Variants in ATXN7L3 observed in about 807,000 individuals in gnomAD.
The protein encoded by ATXN7L3 is ataxin-7-like protein 3.
ATXN7L3 carries 6 observed loss-of-function variants against 50.0 expected under a neutral mutation model. The observed-to-expected ratio is 0.12, with a 90% CI of 0.07 to 0.24. The LOEUF is 0.24. ATXN7L3 is among the 10% of genes least tolerant of loss of function. The pLI is 1.00. For synonymous variants in ATXN7L3, 198 were observed against 165.8 expected (o/e 1.19, Z -1.49); for missense variants, 322 against 451.3 (o/e 0.71, Z 2.60).
rs1443756640 is a variant in ATXN7L3 at position 44,194,355 on chromosome 17, C to T, written c.952G>A (p.Val318Ile). 1 of 1,614,230 alleles carries T rather than the reference C, an allele frequency of 6.2e-7. No individual in the cohort carries two copies. The highest frequency in any genetic ancestry group is 8.5e-7 in the Non-Finnish European group (1 of 1,180,040). The change falls in exon 13 of 13, where the codon GTA (valine) becomes ATA (isoleucine). Residue 318 changes from valine (V) to isoleucine (I), a missense_variant. Val to Ile is a conservative substitution (Grantham distance 29). This residue lies in a region of ATXN7L3 where 122 missense variants were observed against 130.8 expected (regional missense o/e 0.93). Transcript: ENST00000587097. ...TKKKKSHLSL[V>I]GTASGLGSNK... is the part of the protein sequence containing the mutation. ...GAACCTAGGCCGGAGGCAGTCCCTACCAGGCTCAGATGGGATTTCTTTTTC... is the reference window on the plus strand; with the variant it reads ...GAACCTAGGCCGGAGGCAGTCCCTATCAGGCTCAGATGGGATTTCTTTTTC...
In ATXN7L3 at chr17:44,194,221, G is replaced by T. The variant is rs768648427; in HGVS notation, c.*42C>A. 4 of 1,606,774 alleles carry T rather than the reference G, an allele frequency of 2.5e-6. No homozygotes were observed. ...TATGCCACCTGGGTGGGGGTCAGGA[G>T]AGAGGGCTCTGCTCAGCCAAAGGCT... On this transcript the variant is annotated 3_prime_UTR_variant, in exon 13 of 13. Coordinates refer to ENST00000587097, the MANE Select transcript of ATXN7L3 (RefSeq NM_001382309.1).
Position 44,194,517 on chromosome 17 carries a change from C to T in ATXN7L3, c.895G>A (p.Gly299Ser). The stretch of plus-strand genomic sequence containing the variant: ...CCTAGGGCCCAACTGCATCACGTAC[C>T]TAGACCCCATCCCTGATTTTCACTC... ...KTSENQGWGLGTNSSESRKTK... is the reference protein window; with the variant it reads ...KTSENQGWGLSTNSSESRKTK... Residue 299 changes from glycine to serine, a missense_variant and splice_region_variant, in exon 12 of 13, where the codon GGT (glycine) becomes AGT (serine). Coordinates refer to ENST00000587097, the MANE Select transcript of ATXN7L3 (RefSeq NM_001382309.1). The T allele has an allele frequency of 6.2e-7, 1 of 1,613,652 alleles. No individual in the cohort carries two copies. Among genetic ancestry groups the T allele is most frequent in the Non-Finnish European group, 8.5e-7 (1 of 1,179,980 alleles).
In ATXN7L3 at chr17:44,194,206, G is replaced by C; in HGVS notation, c.*57C>G. The C allele has an allele frequency of 6.3e-7, 1 of 1,582,048 alleles. No individual in the cohort carries two copies. The highest frequency in any genetic ancestry group is 1.7e-4 in the Middle Eastern group (1 of 5,828). On this transcript the variant is annotated 3_prime_UTR_variant, in exon 13 of 13. Transcript: ENST00000587097. The stretch of plus-strand genomic sequence containing the variant: ...GTCCATTTGCCAGGCTATGCCACCT[G>C]GGTGGGGGTCAGGAGAGAGGGCTCT...
rs1439840919 is a variant in ATXN7L3 at position 44,192,599 on chromosome 17, A to G, written c.*1664T>C. On this transcript the variant is annotated 3_prime_UTR_variant, in exon 13 of 13. Coordinates refer to ENST00000587097, the MANE Select transcript of ATXN7L3 (RefSeq NM_001382309.1). ...GGAGACTACGGAGGGCCAAGAATAG[A>G]GAAGCCCAGGCCCCGGGATTTATTC... The G allele has an allele frequency of 2.6e-5, 4 of 152,212 alleles. No homozygotes were observed. Among genetic ancestry groups the G allele is most frequent in the South Asian group, 4.1e-4 (2 of 4,832 alleles). 9.4% of individuals were successfully genotyped at this position (152,212 alleles called of 1,614,324 possible).
At chr17:44,197,966 C>G in intron 2 of ATXN7L3, 54 bp downstream of exon 2, 1 of 1,584,944 alleles carries the variant, frequency 6.3e-7, no homozygotes, top group Non-Finnish European at 8.7e-7. Flanking sequence ...CCAGATACAG[C>G]GACGTAGAGA....
chr17:44,196,537 T>A (rs1358343044), intron 5 of ATXN7L3, 119 bp from the exon 6 acceptor site: 1 of 1,321,408 alleles, frequency 7.6e-7, no homozygotes, highest in East Asian at 2.3e-5. Flanking sequence ...CCCAGCACTT[T>A]GGGAGGCCCA....
intron 7 of ATXN7L3, 59 bp downstream of exon 7, chr17:44,195,975 C>T (rs1020882098): frequency 4.4e-5 from 70 of 1,577,354 alleles, no homozygotes; most frequent in Middle Eastern, 1.7e-4. Flanking sequence ...CTCCACCCCC[C>T]GGCAATGAGT....
intron 6 of ATXN7L3, 155 bp downstream of exon 6, chr17:44,196,241 C>T: frequency 2.5e-6 from 1 of 401,760 alleles, no homozygotes; most frequent in Non-Finnish European, 4.4e-6. Flanking sequence ...CACCCCCCTT[C>T]CCCACCCACA....
At chr17:44,199,263 C>G (rs1006597547) in intron 1 of ATXN7L3, 76 of 151,466 alleles carry the variant, frequency 5.0e-4, no homozygotes, top group African/African-American at 1.8e-3. Context: ...CCCGCGCCCC[C>G]TCCCCGGCCG....
At chr17:44,197,950 TG>T (rs1267312916) in intron 2 of ATXN7L3, 69 bp downstream of exon 2, 11 of 1,567,986 alleles carry the variant, frequency 7.0e-6, no homozygotes, top group African/African-American at 4.1e-5. Context: ...CTCTTTGGTG[TG>T]GATGCCAGAT....
At position 44,194,198 on chromosome 17, in the gene ATXN7L3, T is replaced by C; in HGVS notation, c.*65A>G. 2.6e-6 allele frequency: 4 copies of C among 1,567,446 alleles called. No individual in the cohort carries two copies. The highest frequency in any genetic ancestry group is 3.5e-6 in the Non-Finnish European group (4 of 1,157,254). ...CAGCAGCCGTCCATTTGCCAGGCTATGCCACCTGGGTGGGGGTCAGGAGAG... is the reference window on the plus strand; with the variant it reads ...CAGCAGCCGTCCATTTGCCAGGCTACGCCACCTGGGTGGGGGTCAGGAGAG... On this transcript the variant is annotated 3_prime_UTR_variant, in exon 13 of 13. Transcript: ENST00000587097.
rs1383785140 is a variant in ATXN7L3 at position 44,194,176 on chromosome 17, C to G, written c.*87G>C. 3 of 1,517,342 alleles carry G rather than the reference C, an allele frequency of 2.0e-6. No homozygotes were observed. The highest frequency in any genetic ancestry group is 2.7e-6 in the Non-Finnish European group (3 of 1,125,252). The allele number at this position is 1,517,342 out of a possible 1,614,324, so 94.0% of individuals were successfully genotyped here. A position where few individuals can be genotyped will look rare whatever the true frequency, so the allele number is the denominator to read the frequency against. ...AAGCTTCCCAAGCCCCAACCCCCAG[C>G]AGCCGTCCATTTGCCAGGCTATGCC... On this transcript the variant is annotated 3_prime_UTR_variant, in exon 13 of 13. Coordinates refer to ENST00000587097, the MANE Select transcript of ATXN7L3 (RefSeq NM_001382309.1).
chr17:44,195,247 AG>A, intron 9 of ATXN7L3, 107 bp from the exon 10 acceptor site: 1 of 1,389,588 alleles, frequency 7.2e-7, no homozygotes, highest in South Asian at 1.2e-5. Context: ...GATGGCCCAA[AG>A]GTGTCCAGAG....
intron 10 of ATXN7L3, 94 bp from the exon 11 acceptor site, chr17:44,194,933 G>T: frequency 6.6e-7 from 1 of 1,509,316 alleles, no homozygotes; most frequent in Non-Finnish European, 9.2e-7. Flanking sequence ...ACAGGGAAGG[G>T]GTGAATGCAG....
rs80279459 is a variant in ATXN7L3, at chr17:44,197,431, G to A, written c.185-32C>T. On this transcript the variant is annotated intron_variant, in intron 3 of 12. Transcript: ENST00000587097. Reference sequence around the variant, plus strand: ...ACAGGAGAGGCTGGCGATCAGGGTGGGCAGGACCCTCTCCTCTTGTTCCCA... The same window carrying A: ...ACAGGAGAGGCTGGCGATCAGGGTGAGCAGGACCCTCTCCTCTTGTTCCCA... 4,545 of 1,577,728 alleles carry A rather than the reference G, an allele frequency of 2.9e-3. 81 individuals carry two copies. In the East Asian group the frequency reaches 0.037, roughly 13 times the overall value.
chr17:44,196,523 T>TA (rs2055898570), intron 5 of ATXN7L3, 105 bp from the exon 6 acceptor site: 2 of 1,456,692 alleles, frequency 1.4e-6, no homozygotes, highest in East Asian at 4.6e-5. Flanking sequence ...CTCATGCCTG[T>TA]AATCCCAGCA....
chr17:44,196,777 C>CAAAA lies in ATXN7L3; in HGVS notation c.454+148_454+151dup, dbSNP rs34885873. On this transcript the variant is annotated intron_variant, in intron 5 of 12. Transcript: ENST00000587097. ...TGGGCCACAGAGCGAGAATCCATCT[C>CAAAA]AAAAAAAAAAAAAAAAAAAAAAGGA... is the stretch of plus-strand genomic sequence containing the variant. 5.2e-3 allele frequency: 1,231 copies of CAAAA among 235,980 alleles called. 1 individual carries two copies. Among genetic ancestry groups the CAAAA allele is most frequent in the East Asian group, 0.018 (127 of 6,910 alleles). 14.6% of individuals were successfully genotyped at this position (235,980 alleles called of 1,614,324 possible). A position where few individuals can be genotyped will look rare whatever the true frequency, so the allele number is the denominator to read the frequency against.
chr17:44,196,236 C>T, intron 6 of ATXN7L3, 157 bp from the exon 7 acceptor site: 2 of 768,494 alleles, frequency 2.6e-6, no homozygotes, highest in South Asian at 3.5e-5. Flanking sequence ...TCCCCCACCC[C>T]CCTTCCCCAC....
Position 44,193,232 on chromosome 17 carries a change from A to C in ATXN7L3, c.*1031T>G, listed in dbSNP as rs2055759597. 6.6e-6 allele frequency: 1 copy of C among 152,280 alleles called. No individual in the cohort carries two copies. The allele number at this position is 152,280 out of a possible 1,614,324, so 9.4% of individuals were successfully genotyped here. A position where few individuals can be genotyped will look rare whatever the true frequency, so the allele number is the denominator to read the frequency against. On this transcript the variant is annotated 3_prime_UTR_variant, in exon 13 of 13. Transcript: ENST00000587097. ...ATAACTTAAAAGCGCTAAGGAAGGG[A>C]AACAGGGCACGCTTTGGAGGCAGGA...
Sources: gnomAD v4.1 joint callset for allele counts on GRCh38, gnomAD v4.1.1 for gene constraint, gnomAD v4.1.1 regional missense constraint, MANE v1.5 for transcripts, NCBI Gene and HGNC (gene_info 2026-07-23, HGNC 2026-07-21) for gene names.